CNTNAP5: variants seen among roughly 807,000 people sequenced by gnomAD.
The protein encoded by CNTNAP5 is contactin-associated protein-like 5.
Under a neutral mutation model 150.2 loss-of-function variants are expected in CNTNAP5, and 72 were observed. The ratio of observed to expected loss-of-function variants is 0.48; its 90% CI spans 0.40 to 0.58. CNTNAP5 has a LOEUF of 0.58. CNTNAP5 is among the 20% of genes least tolerant of loss of function. The pLI is 0.00. For missense variants in CNTNAP5, 1,636 were observed against 1,626.2 expected (o/e 1.01, Z -0.10); for synonymous variants, 672 against 619.8 (o/e 1.08, Z -1.25).
chr2:124,599,080 G>T (rs1007822129), intron 11 of CNTNAP5, among the ~76,000 whole-genome samples: 1 of 152,130 alleles, frequency 6.6e-6, no homozygotes, highest in Non-Finnish European at 1.5e-5. Flanking sequence ...TACCTCAGAT[G>T]GAAATGCAGA....
chr2:124,682,759 C>G (rs896216776), intron 13 of CNTNAP5, among the ~76,000 whole-genome samples: 1 of 152,076 alleles, frequency 6.6e-6, no homozygotes, highest in Non-Finnish European at 1.5e-5. Flanking sequence ...ATCTGCAATT[C>G]TGGAAGAGGT....
At chr2:124,257,851 G>A (rs997333849) in intron 3 of CNTNAP5, among the ~76,000 whole-genome samples, 1 of 152,136 alleles carries the variant, frequency 6.6e-6, no homozygotes, top group Non-Finnish European at 1.5e-5. Flanking sequence ...CTGGTATGGA[G>A]TAAACATTCA....
At chr2:124,109,215 A>T (rs746564400) in intron 1 of CNTNAP5, among the ~76,000 whole-genome samples, 4 of 152,130 alleles carry the variant, frequency 2.6e-5, no homozygotes, top group Non-Finnish European at 5.9e-5. Context: ...CAGGGGAAAA[A>T]GGGGCACACA....
intron 1 of CNTNAP5, among the ~76,000 whole-genome samples, chr2:124,185,229 A>C (rs532712648): frequency 6.6e-6 from 1 of 152,116 alleles, no homozygotes; most frequent in Non-Finnish European, 1.5e-5. Context: ...TCTCCCTGCC[A>C]CTTACTATGT....
chr2:124,384,202 G>A (rs1448643388), intron 3 of CNTNAP5, among the ~76,000 whole-genome samples: 2 of 152,112 alleles, frequency 1.3e-5, no homozygotes, highest in South Asian at 2.1e-4. Flanking sequence ...CATAATGAAG[G>A]TCAGATTTTT....
At chr2:124,059,845 A>G (rs910716565) in intron 1 of CNTNAP5, among the ~76,000 whole-genome samples, 3 of 152,084 alleles carry the variant, frequency 2.0e-5, no homozygotes, top group African/African-American at 7.2e-5. Flanking sequence ...CACAGAGTGT[A>G]TGCTCAGTAT....
chr2:124,757,904 A>G (rs1224180882), intron 14 of CNTNAP5, among the ~76,000 whole-genome samples: 1 of 152,220 alleles, frequency 6.6e-6, no homozygotes, highest in Non-Finnish European at 1.5e-5. Flanking sequence ...TTTATTGTCC[A>G]CTTTATAAAT....
At chr2:124,056,724 A>G (rs1335514308) in intron 1 of CNTNAP5, among the ~76,000 whole-genome samples, 4 of 152,204 alleles carry the variant, frequency 2.6e-5, no homozygotes, top group Non-Finnish European at 5.9e-5. Flanking sequence ...GAGAATGCAA[A>G]GTGATAACAT....
At chr2:124,704,336 A>T (rs1490016392) in intron 13 of CNTNAP5, among the ~76,000 whole-genome samples, 1 of 152,166 alleles carries the variant, frequency 6.6e-6, no homozygotes, top group East Asian at 1.9e-4. Flanking sequence ...CACCTAAGTG[A>T]AGTGTTCTTT....
chr2:124,895,544 G>A (rs1678286112), intron 21 of CNTNAP5, among the ~76,000 whole-genome samples: 1 of 151,526 alleles, frequency 6.6e-6, no homozygotes, highest in African/African-American at 2.4e-5. Context: ...AAGCATTCTT[G>A]AACCTGGGAG....
At chr2:124,256,390 A>ATT (rs148475669) in intron 3 of CNTNAP5, among the ~76,000 whole-genome samples, 15 of 149,762 alleles carry the variant, frequency 1.0e-4, no homozygotes, top group African/African-American at 3.7e-4. Flanking sequence ...GAGGGCTGGC[A>ATT]TTTTTTTTTT....
chr2:124,764,554 GA>G (rs1402904474), intron 16 of CNTNAP5, among the ~76,000 whole-genome samples: 3 of 152,108 alleles, frequency 2.0e-5, no homozygotes, highest in African/African-American at 7.2e-5. Context: ...GTAATTTCCT[GA>G]CTTATTTCCC....
intron 1 of CNTNAP5, among the ~76,000 whole-genome samples, chr2:124,124,852 C>A (rs1683648358): frequency 1.3e-5 from 2 of 152,170 alleles, no homozygotes; most frequent in South Asian, 2.1e-4. Flanking sequence ...CCTTTACAGA[C>A]AAACAAATGC....
chr2:124,383,064 G>C (rs1459866555), intron 3 of CNTNAP5, among the ~76,000 whole-genome samples: 2 of 152,126 alleles, frequency 1.3e-5, no homozygotes, highest in Admixed American at 6.6e-5. Flanking sequence ...TACACCTTCA[G>C]TTTCCTCCAG....
chr2:124,079,547 G>A (rs1360470681), intron 1 of CNTNAP5, among the ~76,000 whole-genome samples: 5 of 152,072 alleles, frequency 3.3e-5, no homozygotes, highest in African/African-American at 4.8e-5. Flanking sequence ...TGTACAAATC[G>A]TTTCAAACAG....
At chr2:124,283,916 C>T (rs977720468) in intron 3 of CNTNAP5, among the ~76,000 whole-genome samples, 15 of 152,148 alleles carry the variant, frequency 9.9e-5, no homozygotes, top group African/African-American at 3.4e-4. Flanking sequence ...GTGCACCTCC[C>T]AGTGTTACTG....
chr2:124,413,966 G>C (rs1362353350), intron 3 of CNTNAP5, among the ~76,000 whole-genome samples: 2 of 152,044 alleles, frequency 1.3e-5, no homozygotes, highest in Non-Finnish European at 2.9e-5. Context: ...AGTATTGAGA[G>C]ATGGAGTGAG....
At chr2:124,804,494 A>G (rs1682039802) in intron 19 of CNTNAP5, among the ~76,000 whole-genome samples, 1 of 152,184 alleles carries the variant, frequency 6.6e-6, no homozygotes, top group Non-Finnish European at 1.5e-5. Flanking sequence ...CATGACCCTC[A>G]GTGTAGCTGT....
chr2:124,374,890 A>C (rs1690608553), intron 3 of CNTNAP5, among the ~76,000 whole-genome samples: 1 of 152,070 alleles, frequency 6.6e-6, no homozygotes. Context: ...TCTCAAGGAC[A>C]CAGAAGTCAA....
Sources: gnomAD v4.1 joint callset for allele counts (sites outside exome capture counted in the v4.1 genomes callset) on GRCh38, gnomAD v4.1.1 for gene constraint, MANE v1.5 for transcripts, NCBI Gene and HGNC (gene_info 2026-07-23, HGNC 2026-07-21) for gene names.